Variants in CLSTN2 observed in about 807,000 individuals in gnomAD.
CLSTN2 encodes the protein calsyntenin 2.
CLSTN2 carries 48 observed loss-of-function variants against 101.2 expected under a neutral mutation model. That is an observed-to-expected ratio of 0.47 (90% confidence interval 0.38 to 0.60). The LOEUF (loss-of-function observed/expected upper bound fraction) is 0.60. CLSTN2 is among the 20% of genes least tolerant of loss of function. CLSTN2 has a pLI of 0.00. For missense variants in CLSTN2, 1,160 were observed against 1,238.2 expected (o/e 0.94, Z 0.95); for synonymous variants, 481 against 463.6 (o/e 1.04, Z -0.48).
At chr3:140,171,747 A>G (rs1350240900) in intron 1 of CLSTN2, among the ~76,000 whole-genome samples, 12 of 108,090 alleles carry the variant, frequency 1.1e-4, no homozygotes, top group South Asian at 2.4e-4. Context: ...ATTAATATAT[A>G]ATATGTATAA....
chr3:140,151,904 C>G (rs1355753985), intron 1 of CLSTN2, among the ~76,000 whole-genome samples: 1 of 152,086 alleles, frequency 6.6e-6, no homozygotes, highest in African/African-American at 2.4e-5. Flanking sequence ...TACAGATGTG[C>G]TGAGAGATGA....
chr3:140,376,431 T>C (rs1559852705), intron 2 of CLSTN2, among the ~76,000 whole-genome samples: 2 of 152,224 alleles, frequency 1.3e-5, no homozygotes, highest in African/African-American at 4.8e-5. Context: ...CCAGATAATC[T>C]TGTGGCAGCA....
chr3:140,151,740 G>C (rs974116088), intron 1 of CLSTN2, among the ~76,000 whole-genome samples: 3 of 152,106 alleles, frequency 2.0e-5, no homozygotes, highest in Admixed American at 6.5e-5. Flanking sequence ...TGCTCTGTCT[G>C]ATCTAAAGCC....
In CLSTN2 at chr3:140,577,124, AAAG is replaced by A. The variant is rs1985755447; in HGVS notation, c.*10873_*10875del. 6.6e-6 allele frequency: 1 copy of A among 152,204 alleles called. No individual in the cohort carries two copies. The highest frequency in any genetic ancestry group is 1.5e-5 in the Non-Finnish European group (1 of 68,032). The allele number at this position is 152,204 out of a possible 1,614,324, so 9.4% of individuals were successfully genotyped here. ...GGGCGCTGAGAGTCTCTATGTATAT[AAAG>A]ATATAGGAAGAAAATAAGGATCATC... is the stretch of plus-strand genomic sequence containing the variant. On this transcript the variant is annotated 3_prime_UTR_variant, in exon 17 of 17. Coordinates refer to ENST00000458420, the MANE Select transcript of CLSTN2 (RefSeq NM_022131.3).
At chr3:140,355,336 T>C (rs1200555828) in intron 2 of CLSTN2, among the ~76,000 whole-genome samples, 2 of 152,210 alleles carry the variant, frequency 1.3e-5, no homozygotes, top group Admixed American at 6.5e-5. Context: ...ATTTTAGTCA[T>C]TTGAGTCTTG....
chr3:140,346,678 C>CT (rs1333664310), intron 2 of CLSTN2, among the ~76,000 whole-genome samples: 1 of 152,184 alleles, frequency 6.6e-6, no homozygotes, highest in Admixed American at 6.5e-5. Flanking sequence ...TTTTCAGTCT[C>CT]TTTTCACAGT....
At chr3:140,008,049 C>T (rs2107750132) in intron 1 of CLSTN2, among the ~76,000 whole-genome samples, 1 of 152,350 alleles carries the variant, frequency 6.6e-6, no homozygotes, top group South Asian at 2.1e-4. Flanking sequence ...ACTGTGCCAG[C>T]TGCAGTGATG....
chr3:139,996,651 T>G (rs891697286), intron 1 of CLSTN2, among the ~76,000 whole-genome samples: 1 of 152,236 alleles, frequency 6.6e-6, no homozygotes, highest in Non-Finnish European at 1.5e-5. Context: ...TTTTTCCAAC[T>G]GAATGAATTC....
At chr3:140,402,622 C>G (rs2088255421) in intron 2 of CLSTN2, among the ~76,000 whole-genome samples, 1 of 152,144 alleles carries the variant, frequency 6.6e-6, no homozygotes, top group African/African-American at 2.4e-5. Flanking sequence ...AACCTGAGAG[C>G]AAGGCCCCAT....
chr3:140,398,110 G>A lies in CLSTN2; in HGVS notation c.233-5519G>A, dbSNP rs561456320. 2.0e-5 allele frequency among the ~76,000 whole-genome samples: 3 copies of A among 152,044 alleles called. No individual in the cohort carries two copies. The East Asian group carries it at 5.8e-4, about 29-fold the overall frequency. ...ACACATTCAAGTTTGAATAAACATA[G>A]TTCATCTGTCAATCATTCTTTCAAG... On this transcript the variant is annotated intron_variant, in intron 2 of 16. Coordinates refer to ENST00000458420, the MANE Select transcript of CLSTN2 (RefSeq NM_022131.3).
At chr3:140,329,313 A>T (rs1265216221) in intron 2 of CLSTN2, among the ~76,000 whole-genome samples, 1 of 152,218 alleles carries the variant, frequency 6.6e-6, no homozygotes, top group Non-Finnish European at 1.5e-5. Context: ...CAATTGCCTG[A>T]ACCTGGAGGT....
intron 10 of CLSTN2, among the ~76,000 whole-genome samples, chr3:140,547,615 C>T (rs1455522503): frequency 6.6e-6 from 1 of 152,198 alleles, no homozygotes; most frequent in Non-Finnish European, 1.5e-5. Flanking sequence ...CTCGTTCTCT[C>T]ATTTGAGAGA....
At chr3:140,557,857 A>G (rs116284334) in intron 11 of CLSTN2, among the ~76,000 whole-genome samples, 4,499 of 152,272 alleles carry the variant, frequency 0.03, 235 homozygotes, top group African/African-American at 0.1. Flanking sequence ...GTCTGACGAG[A>G]AGTTCAAATC....
chr3:140,427,185 ATATATAT>A (rs1282982297), intron 5 of CLSTN2, among the ~76,000 whole-genome samples: 4 of 83,158 alleles, frequency 4.8e-5, no homozygotes, highest in African/African-American at 1.5e-4. Flanking sequence ...AAAAAAAAAA[ATATATAT>A]ATATATATAT....
chr3:140,030,559 G>T (rs1296974066), intron 1 of CLSTN2, among the ~76,000 whole-genome samples: 1 of 152,134 alleles, frequency 6.6e-6, no homozygotes, highest in African/African-American at 2.4e-5. Flanking sequence ...AGAACACTGG[G>T]TGGGAAGAGA....
intron 7 of CLSTN2, among the ~76,000 whole-genome samples, chr3:140,462,562 C>A (rs777580655): frequency 1.3e-5 from 2 of 152,202 alleles, no homozygotes; most frequent in African/African-American, 4.8e-5. Context: ...GTAAAACTTA[C>A]TAATGCTGTT....
At chr3:140,499,910 A>C (rs1934540460) in intron 8 of CLSTN2, among the ~76,000 whole-genome samples, 1 of 151,870 alleles carries the variant, frequency 6.6e-6, no homozygotes. Flanking sequence ...TAAAAAATAC[A>C]AAAAAAATTA....
intron 5 of CLSTN2, among the ~76,000 whole-genome samples, chr3:140,446,635 T>C (rs1202308823): frequency 1.3e-5 from 2 of 152,140 alleles, no homozygotes; most frequent in Non-Finnish European, 2.9e-5. Flanking sequence ...TGGTCCCCAT[T>C]TCCTTGATGG....
intron 5 of CLSTN2, among the ~76,000 whole-genome samples, chr3:140,441,303 G>T (rs2088760480): frequency 1.3e-5 from 2 of 152,132 alleles, no homozygotes; most frequent in South Asian, 4.1e-4. Flanking sequence ...TTTAGTACCT[G>T]CCCCTAGGAG....
Sources: gnomAD v4.1 joint callset for allele counts (sites outside exome capture counted in the v4.1 genomes callset) on GRCh38, gnomAD v4.1.1 for gene constraint, MANE v1.5 for transcripts, NCBI Gene and HGNC (gene_info 2026-07-23, HGNC 2026-07-21) for gene names.